ANK2: variants seen among roughly 807,000 people sequenced by gnomAD.
ANK2 encodes the protein ankyrin-2.
A neutral mutation model predicts 360.5 loss-of-function variants in ANK2; 83 were observed. That is an observed-to-expected ratio of 0.23 (90% CI 0.19 to 0.28). The LOEUF is 0.28. ANK2 is among the 10% of genes least tolerant of loss of function. ANK2 has a pLI of 1.00. For missense variants in ANK2, 4,201 were observed against 4,795.7 expected (o/e 0.88, Z 3.66); for synonymous variants, 1,740 against 1,759.5 (o/e 0.99, Z 0.28).
At chr4:112,717,406 G>T in the ANK2 span, among the ~76,000 whole-genome samples, 3 of 151,850 alleles carry the variant, frequency 2.0e-5, no homozygotes, top group African/African-American at 7.3e-5. Flanking sequence ...AGGTTATTTT[G>T]CCTTAGTTCA....
chr4:112,998,638 G>T (rs1235939598), intron 2 of ANK2, among the ~76,000 whole-genome samples: 1 of 152,086 alleles, frequency 6.6e-6, no homozygotes, highest in Non-Finnish European at 1.5e-5. Flanking sequence ...ATAGGTGGTT[G>T]GTTAAAAAAA....
intron 2 of ANK2, among the ~76,000 whole-genome samples, chr4:113,000,762 CTG>C (rs1319129644): frequency 6.6e-6 from 1 of 152,190 alleles, no homozygotes; most frequent in Non-Finnish European, 1.5e-5. Flanking sequence ...TAACTCAAAA[CTG>C]TCATTTCCTT....
rs543283325 is a variant in ANK2 at position 113,180,323 on chromosome 4, A to G, written c.186+5806A>G. ...TCTCAACTGGAGTGAGCATAACAAC[A>G]CTGAAGTTTTAGGGTTGTTTTGATG... On this transcript the variant is annotated intron_variant, in intron 2 of 45. Transcript: ENST00000357077. Among the ~76,000 whole-genome samples the G allele has an allele frequency of 2.2e-4, 33 of 152,296 alleles. No individual in the cohort carries two copies. The South Asian group carries it at 6.4e-3, about 30-fold the overall frequency.
chr4:112,810,736 G>A, the ANK2 span, among the ~76,000 whole-genome samples: 1 of 151,618 alleles, frequency 6.6e-6, no homozygotes, highest in South Asian at 2.1e-4. Context: ...ATTTTTAGTA[G>A]AGACGAGGTT....
At chr4:113,107,234 T>A (rs1420065864) in intron 1 of ANK2, among the ~76,000 whole-genome samples, 1 of 152,208 alleles carries the variant, frequency 6.6e-6, no homozygotes, top group East Asian at 1.9e-4. Context: ...TTTTTTTTCT[T>A]GAGACGAAGT....
intron 23 of ANK2, among the ~76,000 whole-genome samples, chr4:113,309,661 G>T (rs991327979): frequency 1.3e-5 from 2 of 152,056 alleles, no homozygotes; most frequent in Non-Finnish European, 2.9e-5. Context: ...TGGGAATACA[G>T]GTGCATGACA....
At chr4:113,125,981 T>C (rs2095640403) in intron 1 of ANK2, among the ~76,000 whole-genome samples, 1 of 152,216 alleles carries the variant, frequency 6.6e-6, no homozygotes, top group Non-Finnish European at 1.5e-5. Flanking sequence ...CATGAAATTT[T>C]ATGGAAGTTA....
rs2153601814 is a variant in ANK2, at chr4:113,249,838, T to C, written c.966T>C (p.Gly322=). 1.9e-6 allele frequency: 3 copies of C among 1,614,104 alleles called. No homozygotes were observed. The highest frequency in any genetic ancestry group is 1.7e-6 in the Non-Finnish European group (2 of 1,180,022). Residue 322 remains glycine, a synonymous_variant, in exon 10 of 46, where the codon GGT becomes GGC. Transcript: ENST00000357077. The stretch of plus-strand genomic sequence containing the variant: ...TGGTGGAACTTCTGTTGGAACGGGG[T>C]GCCCCCTTGCTGGCAAGGACTAAGG... ...DQVVELLLER[G]APLLARTKNG...
At chr4:112,847,455 G>T (rs1313959928) in intron 1 of ANK2, among the ~76,000 whole-genome samples, 1 of 152,106 alleles carries the variant, frequency 6.6e-6, no homozygotes, top group Non-Finnish European at 1.5e-5. Flanking sequence ...CACTGTCTAT[G>T]TCTATTGAGA....
chr4:113,277,311 G>A (rs1471232218), intron 15 of ANK2, among the ~76,000 whole-genome samples: 1 of 152,082 alleles, frequency 6.6e-6, no homozygotes, highest in East Asian at 1.9e-4. Context: ...CATGTTTTTT[G>A]TTCTATAGAC....
chr4:113,161,894 C>T (rs148061321), intron 1 of ANK2, among the ~76,000 whole-genome samples: 3 of 152,188 alleles, frequency 2.0e-5, no homozygotes, highest in South Asian at 2.1e-4. Flanking sequence ...AGGAGTGAAG[C>T]GAAATCCAGT....
chr4:112,782,118 G>A, the ANK2 span, among the ~76,000 whole-genome samples: 18 of 152,176 alleles, frequency 1.2e-4, no homozygotes, highest in Middle Eastern at 3.4e-3. Context: ...GTGAGCCACC[G>A]CGCCCAGCCT....
intron 1 of ANK2, among the ~76,000 whole-genome samples, chr4:113,110,684 G>A (rs543892048): frequency 6.6e-6 from 1 of 152,142 alleles, no homozygotes. Context: ...TGCCAACAAT[G>A]CAGCCACAGG....
the ANK2 span, among the ~76,000 whole-genome samples, chr4:112,769,342 A>G: frequency 6.6e-6 from 1 of 152,248 alleles, no homozygotes; most frequent in Non-Finnish European, 1.5e-5. Flanking sequence ...CACATTGCCC[A>G]GCACAGAGTC....
chr4:113,028,015 T>G (rs2059635975), intron 2 of ANK2, among the ~76,000 whole-genome samples: 1 of 152,130 alleles, frequency 6.6e-6, no homozygotes, highest in South Asian at 2.1e-4. Context: ...TCTACTCTGG[T>G]AAAGCTATTA....
the ANK2 span, among the ~76,000 whole-genome samples, chr4:112,744,881 A>G: frequency 3.9e-5 from 6 of 152,372 alleles, no homozygotes; most frequent in South Asian, 1.2e-3. Flanking sequence ...GTATGTCTTC[A>G]TCTGTCATCA....
intron 2 of ANK2, among the ~76,000 whole-genome samples, chr4:112,970,189 T>C (rs1341413323): frequency 1.3e-5 from 2 of 151,962 alleles, no homozygotes; most frequent in Admixed American, 6.6e-5. Flanking sequence ...TTTCACCATG[T>C]TGGCCAGGCT....
At chr4:112,711,989 T>C in the ANK2 span, among the ~76,000 whole-genome samples, 1 of 150,358 alleles carries the variant, frequency 6.7e-6, no homozygotes, top group Non-Finnish European at 1.5e-5. Context: ...AGCAGTTTCT[T>C]CTATTATTAA....
intron 45 of ANK2, among the ~76,000 whole-genome samples, chr4:113,377,068 A>G (rs572015368): frequency 2.0e-5 from 3 of 152,314 alleles, no homozygotes; most frequent in Non-Finnish European, 4.4e-5. Flanking sequence ...TAAAATAGTG[A>G]TAAAAAGTAT....
Sources: allele counts gnomAD v4.1 joint callset (sites outside exome capture counted in the v4.1 genomes callset), GRCh38; gene constraint gnomAD v4.1.1; transcripts MANE v1.5; gene names NCBI Gene and HGNC (gene_info 2026-07-23, HGNC 2026-07-21).